Variants in MEI4 observed in about 807,000 individuals in gnomAD.
MEI4 encodes meiosis-specific protein MEI4.
A neutral mutation model predicts 31.4 loss-of-function variants in MEI4; 27 were observed. The observed-to-expected ratio is 0.86, with a 90% CI of 0.63 to 1.19. MEI4 has a LOEUF of 1.19. Among genes scored for constraint, MEI4 ranks in the 50% most tolerant of loss-of-function variants. MEI4 has a pLI of 0.00. For synonymous variants in MEI4, 122 were observed against 145.4 expected, an observed-to-expected ratio of 0.84 and a Z score of 1.16; for missense variants, 329 against 398.9, an observed-to-expected ratio of 0.82 and a Z score of 1.49.
At chr6:77,657,682 C>T (rs1163631230) in intron 1 of MEI4, among the ~76,000 whole-genome samples, 1 of 152,124 alleles carries the variant, frequency 6.6e-6, no homozygotes, top group Admixed American at 6.5e-5. Flanking sequence ...CTCTGACTGA[C>T]TTTCAAGACC....
At chr6:77,856,306 T>C (rs1333323775) in intron 4 of MEI4, among the ~76,000 whole-genome samples, 1 of 152,158 alleles carries the variant, frequency 6.6e-6, no homozygotes, top group African/African-American at 2.4e-5. Context: ...ATGCCATTCC[T>C]GAACCTACCC....
intron 3 of MEI4, among the ~76,000 whole-genome samples, chr6:77,767,835 A>G (rs1768213570): frequency 6.6e-6 from 1 of 152,230 alleles, no homozygotes; most frequent in Admixed American, 6.5e-5. Flanking sequence ...GCATCAGTAT[A>G]TAAATCAAAC....
chr6:77,831,672 G>A (rs1301092612), intron 4 of MEI4, among the ~76,000 whole-genome samples: 6 of 151,808 alleles, frequency 4.0e-5, no homozygotes, highest in Non-Finnish European at 8.8e-5. Context: ...AACAAATACT[G>A]TATGTTCTCA....
At chr6:77,753,774 C>T (rs1463507387) in intron 2 of MEI4, among the ~76,000 whole-genome samples, 2 of 152,076 alleles carry the variant, frequency 1.3e-5, no homozygotes, top group African/African-American at 4.8e-5. Context: ...GGATTATAAA[C>T]CATTCTGCTA....
chr6:77,780,410 A>G (rs1458005448), intron 3 of MEI4, among the ~76,000 whole-genome samples: 1 of 152,098 alleles, frequency 6.6e-6, no homozygotes, highest in Non-Finnish European at 1.5e-5. Flanking sequence ...TGCTGAATAA[A>G]TGTCCGCAGG....
At chr6:77,913,132 TG>T (rs1480972690) in intron 4 of MEI4, among the ~76,000 whole-genome samples, 4 of 152,184 alleles carry the variant, frequency 2.6e-5, no homozygotes, top group Non-Finnish European at 5.9e-5. Context: ...ATTTCTGGGA[TG>T]AATTCTACTT....
At chr6:77,664,764 C>T (rs1486189654) in intron 1 of MEI4, among the ~76,000 whole-genome samples, 3 of 152,054 alleles carry the variant, frequency 2.0e-5, no homozygotes, top group Non-Finnish European at 2.9e-5. Context: ...TAAAGAATGC[C>T]TGGACATCAG....
intron 4 of MEI4, among the ~76,000 whole-genome samples, chr6:77,864,986 G>T (rs1000977042): frequency 1.3e-5 from 2 of 152,098 alleles, no homozygotes; most frequent in Non-Finnish European, 2.9e-5. Context: ...TGACTACTGG[G>T]TACATAATGA....
At chr6:77,776,342 A>C (rs1768441515) in intron 3 of MEI4, among the ~76,000 whole-genome samples, 1 of 152,026 alleles carries the variant, frequency 6.6e-6, no homozygotes, top group Non-Finnish European at 1.5e-5. Context: ...ATTTTAATAA[A>C]ATATCTATGC....
At chr6:77,674,744 A>G (rs1768808932) in intron 1 of MEI4, among the ~76,000 whole-genome samples, 1 of 152,234 alleles carries the variant, frequency 6.6e-6, no homozygotes, top group East Asian at 1.9e-4. Context: ...CCCAGATTAA[A>G]AAAAATAATA....
intron 4 of MEI4, among the ~76,000 whole-genome samples, chr6:77,864,366 A>G (rs1770958479): frequency 6.6e-6 from 1 of 152,206 alleles, no homozygotes; most frequent in Non-Finnish European, 1.5e-5. Flanking sequence ...CATAGGCTCA[A>G]AATAAAGGGA....
At chr6:77,703,761 A>C (rs906172240) in intron 2 of MEI4, among the ~76,000 whole-genome samples, 2 of 152,176 alleles carry the variant, frequency 1.3e-5, no homozygotes, top group East Asian at 3.9e-4. Flanking sequence ...GGCTGGAAAA[A>C]TGTATAGTGT....
At chr6:77,773,309 T>G (rs144368931) in intron 3 of MEI4, among the ~76,000 whole-genome samples, 1,574 of 152,012 alleles carry the variant, frequency 0.01, 30 homozygotes, top group African/African-American at 0.036. Context: ...GTCATCAAAA[T>G]AGTGTTGTAC....
At chr6:77,658,741 C>T (rs1241483953) in intron 1 of MEI4, among the ~76,000 whole-genome samples, 2 of 151,744 alleles carry the variant, frequency 1.3e-5, no homozygotes, top group African/African-American at 2.4e-5. Context: ...AAAAACTAAA[C>T]GGAAGATACA....
At chr6:77,827,360 TAAAAAAAAAA>T (rs57446339) in intron 3 of MEI4, among the ~76,000 whole-genome samples, 1 of 67,776 alleles carries the variant, frequency 1.5e-5, no homozygotes, top group Admixed American at 2.2e-4. Flanking sequence ...GACTCCATCT[TAAAAAAAAAA>T]AAAAAAAAAA....
chr6:77,801,622 T>C (rs1206568907), intron 3 of MEI4, among the ~76,000 whole-genome samples: 1 of 152,216 alleles, frequency 6.6e-6, no homozygotes, highest in Admixed American at 6.5e-5. Context: ...CTTGTGGGCA[T>C]TTAGTGCTAT....
chr6:77,699,088 G>A (rs190217044), intron 2 of MEI4, among the ~76,000 whole-genome samples: 5 of 151,834 alleles, frequency 3.3e-5, no homozygotes, highest in East Asian at 1.9e-4. Flanking sequence ...CATTCTTCAC[G>A]TAGTTCTTGA....
At chr6:77,901,836 T>C (rs975648042) in intron 4 of MEI4, among the ~76,000 whole-genome samples, 1 of 152,104 alleles carries the variant, frequency 6.6e-6, no homozygotes, top group Non-Finnish European at 1.5e-5. Flanking sequence ...AGTTTTACAG[T>C]TTCAGATCTT....
intron 3 of MEI4, among the ~76,000 whole-genome samples, chr6:77,799,848 G>C (rs958674427): frequency 6.6e-6 from 1 of 152,040 alleles, no homozygotes; most frequent in African/African-American, 2.4e-5. Context: ...GGTTCCATTC[G>C]TCTATATCTC....
Sources: allele counts gnomAD v4.1 joint callset (sites outside exome capture counted in the v4.1 genomes callset), GRCh38; gene constraint gnomAD v4.1.1; transcripts MANE v1.5; gene names NCBI Gene and HGNC (gene_info 2026-07-23, HGNC 2026-07-21).